HS3ST2: variants seen among roughly 807,000 people sequenced by gnomAD.
HS3ST2 encodes the protein heparan sulfate-glucosamine 3-sulfotransferase 2.
Under a neutral mutation model 26.3 loss-of-function variants are expected in HS3ST2, and 17 were observed. That is an observed-to-expected ratio of 0.65 (90% CI 0.44 to 0.97). The LOEUF is 0.97. Ranked by LOEUF, HS3ST2 falls within the 50% of genes least tolerant of loss-of-function variation. HS3ST2 has a pLI of 0.00. For missense variants in HS3ST2, 402 were observed against 501.2 expected (o/e 0.80, Z 1.89); for synonymous variants, 237 against 219.2 (o/e 1.08, Z -0.72).
At chr16:22,899,417 G>A (rs773379696) in intron 1 of HS3ST2, among the ~76,000 whole-genome samples, 3 of 152,136 alleles carry the variant, frequency 2.0e-5, no homozygotes, top group Non-Finnish European at 4.4e-5. Flanking sequence ...TGTGGAATGG[G>A]ATGCAAGGTC....
At chr16:22,851,824 C>T (rs1199952375) in intron 1 of HS3ST2, among the ~76,000 whole-genome samples, 2 of 152,190 alleles carry the variant, frequency 1.3e-5, no homozygotes, top group Non-Finnish European at 2.9e-5. Flanking sequence ...CTCACTCCAT[C>T]AGTGTTGGGC....
intron 1 of HS3ST2, among the ~76,000 whole-genome samples, chr16:22,880,631 A>G (rs1306458111): frequency 6.6e-6 from 1 of 152,066 alleles, no homozygotes; most frequent in African/African-American, 2.4e-5. Context: ...TGAGGAGTGT[A>G]CAGCACTGCC....
chr16:22,904,257 T>G (rs557637301), intron 1 of HS3ST2, among the ~76,000 whole-genome samples: 1 of 152,254 alleles, frequency 6.6e-6, no homozygotes, highest in South Asian at 2.1e-4. Flanking sequence ...GTTAACTCTT[T>G]GAGGAAAGAG....
At chr16:22,823,157 G>C (rs899590190) in intron 1 of HS3ST2, among the ~76,000 whole-genome samples, 1 of 152,182 alleles carries the variant, frequency 6.6e-6, no homozygotes, top group African/African-American at 2.4e-5. Flanking sequence ...ATTAGAAAGT[G>C]ATCATAAAAA....
intron 1 of HS3ST2, among the ~76,000 whole-genome samples, chr16:22,819,148 C>A (rs58640203): frequency 1.9e-4 from 20 of 105,534 alleles, no homozygotes; most frequent in African/African-American, 8.9e-4. Context: ...TCCTTCCTTC[C>A]TTCCTTCCCT....
intron 1 of HS3ST2, among the ~76,000 whole-genome samples, chr16:22,818,064 G>A (rs1286296303): frequency 6.6e-6 from 1 of 152,208 alleles, no homozygotes; most frequent in East Asian, 1.9e-4. Flanking sequence ...GCCTTCTGCA[G>A]TGGGTTCTCT....
chr16:22,844,060 C>A (rs1209465423), intron 1 of HS3ST2, among the ~76,000 whole-genome samples: 1 of 151,920 alleles, frequency 6.6e-6, no homozygotes, highest in East Asian at 1.9e-4. Flanking sequence ...TATCATAACA[C>A]CACACGTCTT....
At chr16:22,843,676 C>G (rs1901391907) in intron 1 of HS3ST2, among the ~76,000 whole-genome samples, 1 of 152,178 alleles carries the variant, frequency 6.6e-6, no homozygotes, top group Non-Finnish European at 1.5e-5. Flanking sequence ...CACCCCCACC[C>G]CAGCTCGTGG....
At chr16:22,908,094 TCCAG>T (rs1902378400) in intron 1 of HS3ST2, among the ~76,000 whole-genome samples, 1 of 152,126 alleles carries the variant, frequency 6.6e-6, no homozygotes, top group East Asian at 1.9e-4. Context: ...GCCACTGTAC[TCCAG>T]CCTGGGAGAC....
intron 1 of HS3ST2, among the ~76,000 whole-genome samples, chr16:22,818,274 T>G (rs1054619011): frequency 7.9e-5 from 12 of 152,156 alleles, no homozygotes; most frequent in African/African-American, 2.9e-4. Context: ...AGACCAGAGG[T>G]GGTCACCTAG....
chr16:22,871,315 C>T (rs1901835055), intron 1 of HS3ST2, among the ~76,000 whole-genome samples: 3 of 150,518 alleles, frequency 2.0e-5, no homozygotes, highest in Admixed American at 2.0e-4. Flanking sequence ...AAGATTGCAC[C>T]ACTGTATTCT....
At chr16:22,880,548 T>A (rs1287451767) in intron 1 of HS3ST2, among the ~76,000 whole-genome samples, 1 of 152,250 alleles carries the variant, frequency 6.6e-6, no homozygotes, top group African/African-American at 2.4e-5. Flanking sequence ...CTGTTTTACC[T>A]ATTCGATCCC....
At chr16:22,896,784 T>G (rs1902217019) in intron 1 of HS3ST2, among the ~76,000 whole-genome samples, 2 of 152,178 alleles carry the variant, frequency 1.3e-5, no homozygotes, top group Non-Finnish European at 2.9e-5. Context: ...TCTTTTGTTT[T>G]CTTTCTTTTC....
chr16:22,815,479 C>A (rs1900851033), intron 1 of HS3ST2, among the ~76,000 whole-genome samples: 1 of 152,154 alleles, frequency 6.6e-6, no homozygotes, highest in Admixed American at 6.5e-5. Flanking sequence ...TTGCTGGTAC[C>A]CAGCCCCTGA....
chr16:22,824,849 G>C (rs1012025115), intron 1 of HS3ST2, among the ~76,000 whole-genome samples: 1 of 152,148 alleles, frequency 6.6e-6, no homozygotes, highest in Admixed American at 6.5e-5. Flanking sequence ...TTCCACCTCA[G>C]GGTGCTCCCT....
chr16:22,863,948 G>A (rs1373965395), intron 1 of HS3ST2, among the ~76,000 whole-genome samples: 1 of 152,204 alleles, frequency 6.6e-6, no homozygotes, highest in East Asian at 1.9e-4. Context: ...CCTCAAGTTC[G>A]AGTGACAGAA....
chr16:22,880,505 C>G (rs1182996803), intron 1 of HS3ST2, among the ~76,000 whole-genome samples: 1 of 152,188 alleles, frequency 6.6e-6, no homozygotes, highest in Non-Finnish European at 1.5e-5. Context: ...TGTACTCTGT[C>G]ACCCAGATAT....
At chr16:22,848,666 A>T (rs1901479149) in intron 1 of HS3ST2, among the ~76,000 whole-genome samples, 1 of 152,178 alleles carries the variant, frequency 6.6e-6, no homozygotes, top group South Asian at 2.1e-4. Flanking sequence ...AGTCTTGAGC[A>T]TCCTGTGACT....
chr16:22,915,499 A>G lies in HS3ST2; in HGVS notation c.1041A>G (p.Glu347=), dbSNP rs1408292523. The part of the protein sequence containing the change: ...IDPEVIDQLR[E]FYRPYNIKFY... The stretch of plus-strand genomic sequence containing the variant: ...CTGAAGTGATAGACCAGCTCCGAGA[A>G]TTTTATAGACCGTATAATATCAAAT... The change falls in exon 2 of 2, where the codon GAA becomes GAG. Residue 347 remains glutamate, a synonymous_variant. Coordinates refer to ENST00000261374, the MANE Select transcript of HS3ST2 (RefSeq NM_006043.2). The G allele has an allele frequency of 6.2e-7, 1 of 1,614,070 alleles. No homozygotes were observed. Among genetic ancestry groups the G allele is most frequent in the East Asian group, 2.2e-5 (1 of 44,870 alleles).
Sources: gnomAD v4.1 joint callset for allele counts (sites outside exome capture counted in the v4.1 genomes callset) on GRCh38, gnomAD v4.1.1 for gene constraint, MANE v1.5 for transcripts, NCBI Gene and HGNC (gene_info 2026-07-23, HGNC 2026-07-21) for gene names.